The following CLEC5A variants were observed in gnomAD, a reference collection of about 807,000 sequenced individuals.
CLEC5A encodes the protein C-type lectin domain containing 5A, also known as C-type lectin domain family 5 member A.
A neutral mutation model predicts 24.4 loss-of-function variants in CLEC5A; 15 were observed. That is an observed-to-expected ratio of 0.62 (90% CI 0.41 to 0.95). CLEC5A has a LOEUF of 0.95. Among genes scored for constraint, CLEC5A ranks in the 40% least tolerant of loss-of-function variants. The pLI is 0.00. For missense variants in CLEC5A, 211 were observed against 224.0 expected (o/e 0.94, Z 0.37); for synonymous variants, 71 against 72.6 (o/e 0.98, Z 0.11).
At chr7:141,945,914 C>T (rs1554442086) in intron 2 of CLEC5A, 9 of 370,900 alleles carry the variant, frequency 2.4e-5, no homozygotes, top group Middle Eastern at 7.7e-4. Flanking sequence ...CAATAACAAG[C>T]GCTGCCAAGT....
chr7:141,935,581 A>C (rs1460751742), intron 5 of CLEC5A, among the ~76,000 whole-genome samples: 4 of 152,212 alleles, frequency 2.6e-5, no homozygotes, highest in Non-Finnish European at 5.9e-5. Context: ...TATAGAAAAG[A>C]CCACAAGGTG....
intron 4 of CLEC5A, among the ~76,000 whole-genome samples, chr7:141,943,443 A>C (rs1554441799): frequency 6.6e-6 from 1 of 151,896 alleles, no homozygotes; most frequent in African/African-American, 2.4e-5. Flanking sequence ...GTTGGTGGGG[A>C]GGTATGGGGG....
chr7:141,937,756 A>G (rs1052604832), intron 4 of CLEC5A, among the ~76,000 whole-genome samples: 2 of 152,180 alleles, frequency 1.3e-5, no homozygotes, highest in Non-Finnish European at 2.9e-5. Context: ...GTCTGACCCA[A>G]TGCAGTCCCA....
At chr7:141,938,915 T>C (rs1802707092) in intron 4 of CLEC5A, among the ~76,000 whole-genome samples, 2 of 152,146 alleles carry the variant, frequency 1.3e-5, no homozygotes, top group South Asian at 4.1e-4. Context: ...GCGTATCTGA[T>C]GAAAATATCC....
In CLEC5A at chr7:141,931,779, TAAGCC is replaced by T; in HGVS notation, c.388_392del (p.Gly130AsnfsTer5). 1 of 1,609,332 alleles carries T rather than the reference TAAGCC, an allele frequency of 6.2e-7. No individual in the cohort carries two copies. Among genetic ancestry groups the T allele is most frequent in the African/African-American group, 1.3e-5 (1 of 74,890 alleles). On this transcript the variant is annotated frameshift_variant, in exon 6 of 7. Transcript: ENST00000546910. LOFTEE classifies it high-confidence loss of function. ...ACCTTTTCTCTTCACGATGGTAAAT[TAAGCC>T]AATAAAATACTTCTCAGCATCAGTT...
chr7:141,931,389 G>A, intron 6 of CLEC5A: 1 of 392,788 alleles, frequency 2.5e-6, no homozygotes, highest in Non-Finnish European at 4.5e-6. Flanking sequence ...TGATCAGTCA[G>A]AAATGCTCAG....
chr7:141,937,323 C>T (rs1347849520), intron 4 of CLEC5A, among the ~76,000 whole-genome samples: 1 of 151,930 alleles, frequency 6.6e-6, no homozygotes, highest in African/African-American at 2.4e-5. Flanking sequence ...CTAGGCCTGG[C>T]AGCATTCGTG....
chr7:141,935,191 A>AAC (rs1658167478), intron 5 of CLEC5A, among the ~76,000 whole-genome samples: 1 of 152,252 alleles, frequency 6.6e-6, no homozygotes, highest in Non-Finnish European at 1.5e-5. Flanking sequence ...TAGTGTATGT[A>AAC]GCACAGATTA....
chr7:141,935,757 C>T (rs1302647277), intron 5 of CLEC5A, 57 bp downstream of exon 5: 6 of 1,553,320 alleles, frequency 3.9e-6, no homozygotes, highest in South Asian at 3.4e-5. Flanking sequence ...TACCCCATCC[C>T]ACCCACTGAG....
intron 4 of CLEC5A, among the ~76,000 whole-genome samples, chr7:141,941,989 A>AG (rs1802806857): frequency 6.6e-6 from 1 of 152,148 alleles, no homozygotes; most frequent in African/African-American, 2.4e-5. Flanking sequence ...ATATTGTTAA[A>AG]ATGTCCACTC....
intron 5 of CLEC5A, among the ~76,000 whole-genome samples, chr7:141,933,516 A>G (rs950798273): frequency 1.1e-4 from 17 of 147,852 alleles, no homozygotes; most frequent in African/African-American, 4.3e-4. Context: ...TGCTTTGGTC[A>G]AGGAATAGGC....
chr7:141,930,325 G>A (rs1361414131), intron 6 of CLEC5A, 107 bp from the exon 7 acceptor site: 3 of 831,962 alleles, frequency 3.6e-6, no homozygotes, highest in Non-Finnish European at 5.7e-6. Flanking sequence ...TGAGAGTCTT[G>A]CAGGAGTTTT....
chr7:141,941,909 T>C (rs1937397572), intron 4 of CLEC5A, among the ~76,000 whole-genome samples: 1 of 151,960 alleles, frequency 6.6e-6, no homozygotes, highest in Non-Finnish European at 1.5e-5. Context: ...CTATAAAACA[T>C]GGACAAAAGA....
chr7:141,944,569 A>G lies in CLEC5A; in HGVS notation c.140-605T>C, dbSNP rs111332867. Among the ~76,000 whole-genome samples the G allele has an allele frequency of 3.3e-3, 509 of 152,232 alleles. 3 individuals carry two copies. The highest frequency in any genetic ancestry group is 0.012 in the African/African-American group (487 of 41,540). Reference sequence around the variant, plus strand: ...TCTATAAGCAGGGAAGGGTCCATTCATTTCTAGAAATCCATATAGGGGCCT... The same window carrying G: ...TCTATAAGCAGGGAAGGGTCCATTCGTTTCTAGAAATCCATATAGGGGCCT... On this transcript the variant is annotated intron_variant, in intron 3 of 6. Coordinates refer to ENST00000546910, the MANE Select transcript of CLEC5A (RefSeq NM_013252.3).
chr7:141,932,494 A>G (rs138288241), intron 5 of CLEC5A, among the ~76,000 whole-genome samples: 99 of 152,300 alleles, frequency 6.5e-4, no homozygotes, highest in African/African-American at 2.1e-3. Context: ...ACGTCCCATA[A>G]TCAGTGGGTA....
chr7:141,932,776 A>T (rs1216539396), intron 5 of CLEC5A, among the ~76,000 whole-genome samples: 6 of 152,232 alleles, frequency 3.9e-5, no homozygotes, highest in Admixed American at 3.3e-4. Context: ...CTGTTTTGGT[A>T]AATGTTTTAT....
chr7:141,936,077 C>T, intron 4 of CLEC5A, 127 bp from the exon 5 acceptor site: 1 of 788,260 alleles, frequency 1.3e-6, no homozygotes, highest in Admixed American at 2.5e-5. Context: ...AAATTATTCT[C>T]CATCCAGGAA....
Position 141,945,372 on chromosome 7 carries a change from A to T in CLEC5A, c.108T>A (p.Asp36Glu). The change falls in exon 3 of 7, where the codon GAT (aspartate) becomes GAA (glutamate). Residue 36 changes from aspartate (D) to glutamate (E), a missense_variant. Asp to Glu is a conservative substitution (Grantham distance 45). Transcript: ENST00000546910. ...YFPQIFNKSN[D>E]GFTTTRSYGT... ...CATAGCTCCTGGTGGTGGTGAAACCATCGTTACTTTTGTTAAAAATCTGTG... is the reference window on the plus strand; with the variant it reads ...CATAGCTCCTGGTGGTGGTGAAACCTTCGTTACTTTTGTTAAAAATCTGTG... 2 of 1,613,402 alleles carry T rather than the reference A, an allele frequency of 1.2e-6. No homozygotes were observed. Among genetic ancestry groups the T allele is most frequent in the Non-Finnish European group, 1.7e-6 (2 of 1,179,416 alleles).
rs577685814 is a variant in CLEC5A at position 141,928,610 on chromosome 7, C to G, written c.*1494G>C. 83 of 152,256 alleles carry G rather than the reference C, an allele frequency of 5.5e-4. No individual in the cohort carries two copies. Among genetic ancestry groups the G allele is most frequent in the African/African-American group, 1.9e-3 (80 of 41,540 alleles). 9.4% of individuals were successfully genotyped at this position (152,256 alleles called of 1,614,324 possible). ...ATTCCCTTCAAGCAAGTTCTGACAC[C>G]TGATGTGTTATCTCATGTTAAAAAA... On this transcript the variant is annotated 3_prime_UTR_variant, in exon 7 of 7. Coordinates refer to ENST00000546910, the MANE Select transcript of CLEC5A (RefSeq NM_013252.3).
Sources: allele counts gnomAD v4.1 joint callset (sites outside exome capture counted in the v4.1 genomes callset), GRCh38; gene constraint gnomAD v4.1.1; transcripts MANE v1.5; gene names NCBI Gene and HGNC (gene_info 2026-07-23, HGNC 2026-07-21).